REEP1: variants seen among roughly 807,000 people sequenced by gnomAD.
REEP1 encodes the protein receptor accessory protein 1, also known as receptor expression-enhancing protein 1.
In REEP1, 22 loss-of-function variants were observed where a neutral mutation model predicts 40.3. The ratio of observed to expected loss-of-function variants is 0.55; its 90% confidence interval spans 0.39 to 0.78. The LOEUF is 0.78. REEP1 is among the 30% of genes least tolerant of loss of function. REEP1 has a pLI of 0.00. For synonymous variants in REEP1, 116 were observed against 139.2 expected (o/e 0.83, Z 1.17); for missense variants, 280 against 361.1 (o/e 0.78, Z 1.82).
At chr2:86,289,683 T>A (rs1199750411) in intron 1 of REEP1, among the ~76,000 whole-genome samples, 1 of 152,208 alleles carries the variant, frequency 6.6e-6, no homozygotes, top group African/African-American at 2.4e-5. Flanking sequence ...GTGGCCTCCA[T>A]TTCCTCATGT....
At position 86,337,527 on chromosome 2, in the gene REEP1, GGC is replaced by G; in HGVS notation, c.-19_-18del. 1 of 1,262,690 alleles carries G rather than the reference GGC, an allele frequency of 7.9e-7. No homozygotes were observed. The highest frequency in any genetic ancestry group is 2.8e-5 in the South Asian group (1 of 35,802). The allele number at this position is 1,262,690 out of a possible 1,614,324, so 78.2% of individuals were successfully genotyped here. On this transcript the variant is annotated 5_prime_UTR_variant, in exon 1 of 9. Transcript: ENST00000538924. The surrounding 1 kb of genome is among the most constrained non-coding windows in gnomAD (Gnocchi z 5.8). ...TGACACCATGGCGGGCAGGCGGGCG[GGC>G]GAGGCCCGGGCGGCGCGGCTCGGCT...
intron 5 of REEP1, among the ~76,000 whole-genome samples, chr2:86,243,517 T>A (rs2104149037): frequency 6.6e-6 from 1 of 152,248 alleles, no homozygotes; most frequent in East Asian, 1.9e-4. Flanking sequence ...GTGATGTGGG[T>A]GTTTCATTCA....
intron 1 of REEP1, among the ~76,000 whole-genome samples, chr2:86,306,132 T>C (rs1244351623): frequency 6.6e-6 from 1 of 152,136 alleles, no homozygotes; most frequent in African/African-American, 2.4e-5. Context: ...TGACACCATA[T>C]GGACTATTAA....
At chr2:86,227,938 C>G (rs888683507) in intron 6 of REEP1, among the ~76,000 whole-genome samples, 1 of 152,226 alleles carries the variant, frequency 6.6e-6, no homozygotes, top group African/African-American at 2.4e-5. Flanking sequence ...CAGGATCATT[C>G]TTTCAACATT....
In REEP1 at chr2:86,282,220, G is replaced by T; in HGVS notation, c.55C>A (p.Pro19Thr). 6.2e-7 allele frequency: 1 copy of T among 1,608,828 alleles called. No homozygotes were observed. The highest frequency in any genetic ancestry group is 8.5e-7 in the Non-Finnish European group (1 of 1,175,362). The change falls in exon 2 of 9, where the codon CCT (proline) becomes ACT (threonine). Residue 19 changes from proline to threonine, a missense_variant. Around this residue, in one of 3 missense-constraint regions of REEP1, gnomAD observed 68 missense variants for 83.7 expected, o/e 0.81. Transcript: ENST00000538924. ...LVVLIFGTLY[P>T]AYYSYKAVKS... The stretch of plus-strand genomic sequence containing the variant: ...ACAGCCTTGTAGGAATAATACGCAG[G>T]GTAAAGGGTGCCAAATATAAGCCTG...
chr2:86,279,072 G>A (rs1439943730), intron 2 of REEP1, among the ~76,000 whole-genome samples: 1 of 152,200 alleles, frequency 6.6e-6, no homozygotes, highest in Non-Finnish European at 1.5e-5. Context: ...CCCCTGTGTG[G>A]CCCTACATGG....
intron 8 of REEP1, among the ~76,000 whole-genome samples, chr2:86,218,196 T>C (rs778380284): frequency 6.6e-6 from 1 of 152,154 alleles, no homozygotes; most frequent in Non-Finnish European, 1.5e-5. Context: ...TGCCCAGCCA[T>C]GCACAACCAG....
chr2:86,305,068 T>C (rs1193173053), intron 1 of REEP1, among the ~76,000 whole-genome samples: 1 of 151,884 alleles, frequency 6.6e-6, no homozygotes, highest in Non-Finnish European at 1.5e-5. Flanking sequence ...CTAGACGAGG[T>C]ACCTTGTTAG....
Position 86,219,977 on chromosome 2 carries a change from G to A in REEP1, c.776C>T (p.Pro259Leu), listed in dbSNP as rs1674330938. The stretch of plus-strand genomic sequence containing the variant: ...GCCCCAGACACTGTGTACCTCCAGG[G>A]GCAATTCCATCCTTCGAGGTGCTTT... Reference protein sequence around the residue: ...KYKAPRRMELPLEAPPRILRS... With the variant: ...KYKAPRRMELLLEAPPRILRS... The change falls in exon 8 of 9, where the codon CCC becomes CTC. Residue 259 changes from proline to leucine, a missense_variant. This residue lies in a region of REEP1 where 201 missense variants were observed against 238.5 expected (regional missense o/e 0.84). Coordinates refer to ENST00000538924, the MANE Select transcript of REEP1 (RefSeq NM_001371279.1). The A allele has an allele frequency of 9.7e-6, 12 of 1,231,984 alleles. No individual in the cohort carries two copies. In the South Asian group the frequency reaches 3.3e-4, roughly 34 times the overall value. 76.3% of individuals were successfully genotyped at this position (1,231,984 alleles called of 1,614,324 possible).
chr2:86,282,268 A>G (rs746557165), intron 1 of REEP1, 26 bp from the exon 2 acceptor site: 1 of 1,490,894 alleles, frequency 6.7e-7, no homozygotes, highest in Admixed American at 1.7e-5. Context: ...ACAAAAATAA[A>G]TACGATTTTT....
rs145861626 is a variant in REEP1, at chr2:86,327,315, C to A, written c.32+10164G>T. On this transcript the variant is annotated intron_variant, in intron 1 of 8. Coordinates refer to ENST00000538924, the MANE Select transcript of REEP1 (RefSeq NM_001371279.1). The stretch of plus-strand genomic sequence containing the variant: ...ATTCTAAGGTCTCTAACTGGTAGCT[C>A]TATTATAGAAATAATATATATTATT... 8.1e-3 allele frequency among the ~76,000 whole-genome samples: 1,232 copies of A among 151,928 alleles called. 13 individuals carry two copies. Among genetic ancestry groups the A allele is most frequent in the Non-Finnish European group, 0.013 (894 of 68,008 alleles).
chr2:86,270,719 C>A (rs1677396890), intron 2 of REEP1, among the ~76,000 whole-genome samples: 1 of 152,026 alleles, frequency 6.6e-6, no homozygotes, highest in African/African-American at 2.4e-5. Context: ...GAAGACAAAT[C>A]CAGACTAAAG....
In REEP1 at chr2:86,232,573, A is replaced by G. The variant is rs934579189; in HGVS notation, c.595+52T>C. ...CACACTGCGGACTGGGCCTCTCTCA[A>G]TGAAAGCGAGGCCCAAGGAGTGGGA... On this transcript the variant is annotated intron_variant, in intron 6 of 8. Coordinates refer to ENST00000538924, the MANE Select transcript of REEP1 (RefSeq NM_001371279.1). The G allele has an allele frequency of 1.6e-5, 26 of 1,592,662 alleles. No homozygotes were observed. The Admixed American group carries it at 3.5e-4, about 21-fold the overall frequency.
chr2:86,229,389 CCT>C (rs1451954077), intron 6 of REEP1, among the ~76,000 whole-genome samples: 1 of 152,112 alleles, frequency 6.6e-6, no homozygotes, highest in Non-Finnish European at 1.5e-5. Context: ...TTTCTGGGGC[CCT>C]TTCTGCTACC....
chr2:86,336,354 A>T (rs1041273918), intron 1 of REEP1, among the ~76,000 whole-genome samples: 1 of 152,136 alleles, frequency 6.6e-6, no homozygotes, highest in African/African-American at 2.4e-5. Context: ...CCACTTCGGA[A>T]GGGAAAATCA....
intron 1 of REEP1, among the ~76,000 whole-genome samples, chr2:86,324,624 C>T (rs995053253): frequency 9.2e-5 from 14 of 152,078 alleles, no homozygotes; most frequent in African/African-American, 3.4e-4. Flanking sequence ...CATCACGCCA[C>T]GTAATTACAA....
chr2:86,228,008 C>A (rs1282991038), intron 6 of REEP1, among the ~76,000 whole-genome samples: 1 of 152,206 alleles, frequency 6.6e-6, no homozygotes, highest in African/African-American at 2.4e-5. Flanking sequence ...TGACTACACA[C>A]CTTCCAGCTC....
chr2:86,265,739 T>A (rs927395001), intron 2 of REEP1, among the ~76,000 whole-genome samples: 2 of 152,140 alleles, frequency 1.3e-5, no homozygotes, highest in Non-Finnish European at 2.9e-5. Context: ...AAATAATGTG[T>A]ACACATGGAC....
At chr2:86,300,301 G>A (rs977394043) in intron 1 of REEP1, among the ~76,000 whole-genome samples, 7 of 152,152 alleles carry the variant, frequency 4.6e-5, no homozygotes, top group East Asian at 3.9e-4. Context: ...CTTCCTCTGC[G>A]CTGAGAACTG....
Sources: allele counts gnomAD v4.1 joint callset (sites outside exome capture counted in the v4.1 genomes callset), GRCh38; gene constraint gnomAD v4.1.1; regional missense constraint gnomAD v4.1.1; non-coding constraint Gnocchi (gnomAD v3.1); transcripts MANE v1.5; gene names NCBI Gene and HGNC (gene_info 2026-07-23, HGNC 2026-07-21).